The following NTN1 variants were observed in gnomAD, a reference collection of about 807,000 sequenced individuals.
NTN1 encodes the protein netrin 1, also known as netrin-1.
In NTN1, 11 loss-of-function variants were observed where a neutral mutation model predicts 54.2. That is an observed-to-expected ratio of 0.20 (90% CI 0.13 to 0.34). NTN1 has a LOEUF of 0.34. NTN1 is among the 10% of genes least tolerant of loss of function. The pLI, the probability that NTN1 is intolerant of heterozygous loss-of-function variation, is 1.00. For missense variants in NTN1, 740 were observed against 893.1 expected (o/e 0.83, Z 2.18); for synonymous variants, 371 against 382.0 (o/e 0.97, Z 0.33).
intron 2 of NTN1, among the ~76,000 whole-genome samples, chr17:9,109,014 C>A (rs1380341224): frequency 6.6e-6 from 1 of 151,982 alleles, no homozygotes; most frequent in Non-Finnish European, 1.5e-5. Context: ...GTAGCTGGGA[C>A]TACAGCTGTG....
the NTN1 span, among the ~76,000 whole-genome samples, chr17:9,014,506 A>C: frequency 6.6e-6 from 1 of 152,232 alleles, no homozygotes; most frequent in East Asian, 1.9e-4. Context: ...TCACCATGAA[A>C]AAAATGGATG....
intron 2 of NTN1, among the ~76,000 whole-genome samples, chr17:9,102,421 A>G (rs1451296275): frequency 6.6e-6 from 1 of 152,220 alleles, no homozygotes; most frequent in African/African-American, 2.4e-5. Context: ...CTAACTCACT[A>G]TCACAGGACC....
At chr17:9,082,524 G>A (rs1275376716) in intron 2 of NTN1, among the ~76,000 whole-genome samples, 1 of 152,108 alleles carries the variant, frequency 6.6e-6, no homozygotes, top group Admixed American at 6.6e-5. Flanking sequence ...GTTTTAAATG[G>A]GCTGAGAACA....
chr17:9,151,111 G>GC (rs935976943), intron 2 of NTN1, among the ~76,000 whole-genome samples: 1 of 152,042 alleles, frequency 6.6e-6, no homozygotes, highest in South Asian at 2.1e-4. Context: ...AGACTTATCT[G>GC]CCCCCCACCC....
At chr17:9,233,111 G>A (rs1177138568) in intron 6 of NTN1, among the ~76,000 whole-genome samples, 3 of 152,076 alleles carry the variant, frequency 2.0e-5, no homozygotes, top group Non-Finnish European at 2.9e-5. Flanking sequence ...CTCCTTCGGA[G>A]GGGGAAGCTG....
chr17:9,208,982 C>T (rs1036270606), intron 5 of NTN1, among the ~76,000 whole-genome samples: 1 of 152,244 alleles, frequency 6.6e-6, no homozygotes, highest in Non-Finnish European at 1.5e-5. Context: ...CTGCCTTTCC[C>T]ACTGGCCTGC....
At chr17:9,181,578 A>G (rs567651355) in intron 4 of NTN1, among the ~76,000 whole-genome samples, 1 of 152,138 alleles carries the variant, frequency 6.6e-6, no homozygotes, top group East Asian at 1.9e-4. Flanking sequence ...GCAAGATTTG[A>G]CCCCAAATTG....
intron 3 of NTN1, among the ~76,000 whole-genome samples, chr17:9,170,195 TATCTGCAA>T (rs1242961826): frequency 6.6e-6 from 1 of 152,206 alleles, no homozygotes; most frequent in Non-Finnish European, 1.5e-5. Context: ...TCAGCTTTCT[TATCTGCAA>T]ATGGGAAGAA....
chr17:9,181,664 T>C (rs983956184), intron 4 of NTN1, among the ~76,000 whole-genome samples: 2 of 152,228 alleles, frequency 1.3e-5, no homozygotes, highest in Non-Finnish European at 2.9e-5. Context: ...GCCCCCGGCC[T>C]GAGTAGCCCA....
chr17:9,032,458 G>A (rs1039461201), intron 2 of NTN1, among the ~76,000 whole-genome samples: 3 of 152,178 alleles, frequency 2.0e-5, no homozygotes, highest in African/African-American at 2.4e-5. Context: ...GGTGCCTGAG[G>A]CTTCCTGGGG....
intron 2 of NTN1, among the ~76,000 whole-genome samples, chr17:9,052,498 AAC>A (rs1432056528): frequency 4.6e-5 from 7 of 152,224 alleles, no homozygotes; most frequent in Non-Finnish European, 1.0e-4. Flanking sequence ...GTCTGGGACA[AAC>A]ACACTTGCAC....
At chr17:9,226,923 G>A (rs1034618685) in intron 6 of NTN1, among the ~76,000 whole-genome samples, 27 of 151,956 alleles carry the variant, frequency 1.8e-4, no homozygotes, top group Middle Eastern at 3.2e-3. Flanking sequence ...GGAAACCACC[G>A]CCAGGGAACT....
chr17:9,073,061 G>A (rs898336617), intron 2 of NTN1, among the ~76,000 whole-genome samples: 2 of 152,224 alleles, frequency 1.3e-5, no homozygotes, highest in Admixed American at 6.5e-5. Context: ...TGGGGGGACC[G>A]TCTGGCTGGT....
At chr17:9,018,896 G>A (rs1219881162), upstream of NTN1, among the ~76,000 whole-genome samples, 4 of 152,184 alleles carry the variant, frequency 2.6e-5, no homozygotes, top group Non-Finnish European at 5.9e-5. Flanking sequence ...TGTCAGGGAC[G>A]TTTGCTCATT....
intron 2 of NTN1, among the ~76,000 whole-genome samples, chr17:9,097,308 G>A (rs181246754): frequency 1.3e-5 from 2 of 152,264 alleles, no homozygotes; most frequent in Admixed American, 1.3e-4. Context: ...ATTAAATGCA[G>A]TGTGCTTCTA....
intron 6 of NTN1, among the ~76,000 whole-genome samples, chr17:9,233,406 G>GC: frequency 6.6e-6 from 1 of 152,144 alleles, no homozygotes; most frequent in Admixed American, 6.5e-5. Context: ...CTACAACCTG[G>GC]CCCGGGCGGG....
chr17:9,237,001 GCT>G (rs1906013727), intron 6 of NTN1, among the ~76,000 whole-genome samples: 1 of 152,182 alleles, frequency 6.6e-6, no homozygotes, highest in African/African-American at 2.4e-5. Context: ...TCTCCAGCCA[GCT>G]CTTTCTCTAG....
intron 2 of NTN1, among the ~76,000 whole-genome samples, chr17:9,079,650 C>T (rs1400292836): frequency 6.6e-6 from 1 of 152,020 alleles, no homozygotes; most frequent in Non-Finnish European, 1.5e-5. Context: ...TGTTTCCTGG[C>T]CTTGGAGGAA....
chr17:9,220,420 T>C (rs141902725), intron 5 of NTN1, among the ~76,000 whole-genome samples: 283 of 152,300 alleles, frequency 1.9e-3, no homozygotes, highest in African/African-American at 6.6e-3. Context: ...AGAACAGCGA[T>C]GGCTGGCAGG....
Sources: allele counts gnomAD v4.1 joint callset (sites outside exome capture counted in the v4.1 genomes callset), GRCh38; gene constraint gnomAD v4.1.1; transcripts MANE v1.5; gene names NCBI Gene and HGNC (gene_info 2026-07-23, HGNC 2026-07-21).